HS6ST2: variants seen among roughly 807,000 people sequenced by gnomAD.
HS6ST2 encodes the protein heparan sulfate 6-O-sulfotransferase 2, also known as heparan-sulfate 6-O-sulfotransferase 2.
HS6ST2 carries 17 observed loss-of-function variants against 33.0 expected under a neutral mutation model. The ratio of observed to expected loss-of-function variants is 0.52; its 90% CI spans 0.35 to 0.77. The LOEUF (loss-of-function observed/expected upper bound fraction) is 0.77, where lower values mean the gene tolerates loss of function less well. HS6ST2 is among the 30% of genes least tolerant of loss of function. The pLI is 0.01. For missense variants in HS6ST2, 519 were observed against 551.7 expected (o/e 0.94, Z 0.59); for synonymous variants, 248 against 237.1 (o/e 1.05, Z -0.42).
chrX:132,948,891 A>T (rs181167020), intron 2 of HS6ST2, among the ~76,000 whole-genome samples: 1 of 111,870 alleles, frequency 8.9e-6, no homozygotes, highest in Admixed American at 9.5e-5. Context: ...ACTGTGAGGG[A>T]CATTCTTTAC....
intron 2 of HS6ST2, among the ~76,000 whole-genome samples, chrX:132,819,828 G>A (rs1352986545): frequency 8.9e-6 from 1 of 112,283 alleles, no homozygotes; most frequent in African/African-American, 3.2e-5. Flanking sequence ...ATATATGATA[G>A]CATGAGTCCT....
chrX:132,776,451 G>A (rs780472475), intron 2 of HS6ST2, among the ~76,000 whole-genome samples: 1 of 111,363 alleles, frequency 9.0e-6, no homozygotes, highest in East Asian at 2.8e-4. Context: ...TGACATGAGC[G>A]ATGTGATGTC....
rs2066437433 is a variant in HS6ST2 at position 132,902,836 on chromosome X, C to T, written c.947+53972G>A. Among the ~76,000 whole-genome samples the T allele has an allele frequency of 2.2e-5, 2 of 91,122 alleles. 1 individual carries two copies. Among genetic ancestry groups the T allele is most frequent in the Admixed American group, 2.6e-4 (2 of 7,656 alleles). The allele number at this position is 91,122 out of a possible 115,157, so 79.1% of individuals were successfully genotyped here. On this transcript the variant is annotated intron_variant, in intron 2 of 4. Coordinates refer to ENST00000370833, the MANE Select transcript of HS6ST2 (RefSeq NM_001394073.1). Reference sequence around the variant, plus strand: ...ATAAAGAATAACTAGAAAAAACCCACAACTAACATCAGACTCCATGGTGAA... The same window carrying T: ...ATAAAGAATAACTAGAAAAAACCCATAACTAACATCAGACTCCATGGTGAA...
At chrX:132,928,438 T>C in intron 2 of HS6ST2, among the ~76,000 whole-genome samples, 1 of 111,061 alleles carries the variant, frequency 9.0e-6, no homozygotes, top group Non-Finnish European at 1.9e-5. Flanking sequence ...AGATCTCATG[T>C]GAATTCAGAG....
intron 3 of HS6ST2, among the ~76,000 whole-genome samples, chrX:132,701,705 G>A (rs1339481717): frequency 8.9e-6 from 1 of 111,813 alleles, no homozygotes; most frequent in Non-Finnish European, 1.9e-5. Flanking sequence ...GTTCCTACCT[G>A]GGGCTTTAAC....
chrX:132,825,616 C>A (rs188478748), intron 2 of HS6ST2, among the ~76,000 whole-genome samples: 5 of 111,851 alleles, frequency 4.5e-5, no homozygotes. Context: ...ACAAGTACTT[C>A]TACCTCTCTA....
intron 2 of HS6ST2, among the ~76,000 whole-genome samples, chrX:132,728,237 A>G (rs1170311067): frequency 6.2e-5 from 7 of 112,110 alleles, no homozygotes; most frequent in Non-Finnish European, 1.3e-4. Flanking sequence ...CAGCTGCAAC[A>G]TTTTACATTC....
chrX:132,841,769 C>T (rs1482930745), intron 2 of HS6ST2, among the ~76,000 whole-genome samples: 1 of 111,949 alleles, frequency 8.9e-6, no homozygotes, highest in African/African-American at 3.2e-5. Flanking sequence ...TTTGTTTTTA[C>T]AAAGAGTAGT....
chrX:132,900,585 CTA>C (rs1225184272), intron 2 of HS6ST2, among the ~76,000 whole-genome samples: 2 of 110,515 alleles, frequency 1.8e-5, no homozygotes, highest in Admixed American at 9.7e-5. Context: ...CTATATTGTA[CTA>C]TATGTGGTAT....
intron 2 of HS6ST2, among the ~76,000 whole-genome samples, chrX:132,823,701 CAA>C (rs34640492): frequency 0.025 from 1,558 of 61,234 alleles, 48 homozygotes; most frequent in African/African-American, 0.066. Flanking sequence ...ACTAAAAATA[CAA>C]AAAAAAAAAA....
chrX:132,737,411 G>A (rs2064519837), intron 2 of HS6ST2, among the ~76,000 whole-genome samples: 2 of 111,270 alleles, frequency 1.8e-5, no homozygotes, highest in Admixed American at 1.9e-4. Flanking sequence ...TGGGCTAATG[G>A]AGTGGGACAA....
chrX:132,674,774 A>C (rs184851431), intron 3 of HS6ST2, among the ~76,000 whole-genome samples: 118 of 112,130 alleles, frequency 1.1e-3, no homozygotes, highest in African/African-American at 3.5e-3. Context: ...GGTATCTAAC[A>C]ATTGTAAGTG....
intron 2 of HS6ST2, among the ~76,000 whole-genome samples, chrX:132,841,717 C>G (rs1377676399): frequency 8.9e-6 from 1 of 111,998 alleles, no homozygotes; most frequent in Non-Finnish European, 1.9e-5. Context: ...AGCAAGCAAC[C>G]AAGCATCATG....
intron 2 of HS6ST2, among the ~76,000 whole-genome samples, chrX:132,855,475 T>C (rs1321660501): frequency 2.7e-5 from 3 of 112,434 alleles, no homozygotes; most frequent in East Asian, 5.6e-4. Flanking sequence ...CCTGACATAA[T>C]GTCTGTAAAA....
At chrX:132,745,966 C>T (rs1228822350) in intron 2 of HS6ST2, among the ~76,000 whole-genome samples, 1 of 111,804 alleles carries the variant, frequency 8.9e-6, no homozygotes, top group African/African-American at 3.3e-5. Context: ...AATGTGCAGT[C>T]AGCATTGAGA....
chrX:132,812,405 A>AAATAATAATAACAAT (rs373934376), intron 2 of HS6ST2, among the ~76,000 whole-genome samples: 6,823 of 84,863 alleles, frequency 0.08, 255 homozygotes, highest in Non-Finnish European at 0.1. Context: ...ACTCTGTCTC[A>AAATAATAATAACAAT]AATAATAATA....
intron 3 of HS6ST2, among the ~76,000 whole-genome samples, chrX:132,696,242 A>G (rs969830425): frequency 8.9e-6 from 1 of 111,743 alleles, no homozygotes; most frequent in East Asian, 2.8e-4. Flanking sequence ...TTGTGTATGC[A>G]TGTATGTGGC....
At chrX:132,731,604 T>C (rs979119664) in intron 2 of HS6ST2, among the ~76,000 whole-genome samples, 1 of 110,950 alleles carries the variant, frequency 9.0e-6, no homozygotes, top group Non-Finnish European at 1.9e-5. Flanking sequence ...TCCCAGCACT[T>C]TGGGAAGCCA....
At chrX:132,835,815 C>T (rs1033895091) in intron 2 of HS6ST2, among the ~76,000 whole-genome samples, 2 of 111,604 alleles carry the variant, frequency 1.8e-5, no homozygotes, top group African/African-American at 6.5e-5. Flanking sequence ...ACTCGGGAGG[C>T]TGAGGCAGGA....
Sources: allele counts gnomAD v4.1 joint callset (sites outside exome capture counted in the v4.1 genomes callset), GRCh38; gene constraint gnomAD v4.1.1; transcripts MANE v1.5; gene names NCBI Gene and HGNC (gene_info 2026-07-23, HGNC 2026-07-21).